Variants in PRKCE observed in about 807,000 individuals in gnomAD.
PRKCE encodes protein kinase C epsilon type.
PRKCE carries 16 observed loss-of-function variants against 85.4 expected under a neutral mutation model. The observed-to-expected ratio is 0.19, with a 90% CI of 0.13 to 0.28. The LOEUF (loss-of-function observed/expected upper bound fraction) is 0.28. Among genes scored for constraint, PRKCE ranks in the 10% least tolerant of loss-of-function variants. The pLI is 1.00. For synonymous variants in PRKCE, 388 were observed against 371.5 expected (o/e 1.04, Z -0.51); for missense variants, 573 against 975.2 (o/e 0.59, Z 5.49).
intron 1 of PRKCE, among the ~76,000 whole-genome samples, chr2:45,683,368 C>T (rs1298950074): frequency 6.6e-6 from 1 of 152,230 alleles, no homozygotes; most frequent in Non-Finnish European, 1.5e-5. Context: ...TGTGAGACAT[C>T]TTTCTTTGGA....
At position 46,184,861 on chromosome 2, in the gene PRKCE, G is replaced by T. The variant is rs779947914; in HGVS notation, c.2194G>T (p.Gly732Cys). ...QEEFKGFSYFGEDLMP is the reference protein window; with the variant it reads ...QEEFKGFSYFCEDLMP ...GGAATTCAAAGGTTTCTCCTACTTT[G>T]GTGAAGACCTGATGCCCTGAGAGCC... is the stretch of plus-strand genomic sequence containing the variant. The change falls in exon 15 of 15, where the codon GGT becomes TGT. Residue 732 changes from glycine (G) to cysteine (C), a missense_variant. Physicochemically the swap from Gly to Cys is radical, Grantham distance 159. Coordinates refer to ENST00000306156, the MANE Select transcript of PRKCE (RefSeq NM_005400.3). The surrounding 1 kb of genome is among the most constrained non-coding windows in gnomAD (Gnocchi z 5.0). 1 of 1,599,668 alleles carries T rather than the reference G, an allele frequency of 6.3e-7. No individual in the cohort carries two copies. Among genetic ancestry groups the T allele is most frequent in the African/African-American group, 1.3e-5 (1 of 74,934 alleles).
intron 1 of PRKCE, among the ~76,000 whole-genome samples, chr2:45,725,839 A>AC (rs397780761): frequency 2.0e-5 from 3 of 151,670 alleles, no homozygotes; most frequent in African/African-American, 4.8e-5. Flanking sequence ...CAAAAAAAAA[A>AC]CAAAAAACCG....
At chr2:45,677,724 T>C (rs1676588045) in intron 1 of PRKCE, 1 of 258,746 alleles carries the variant, frequency 3.9e-6, no homozygotes, top group Non-Finnish European at 6.0e-6. Context: ...CTGCTTTAGG[T>C]ATTTAGCCTG....
At chr2:45,776,358 T>C (rs1381155655) in intron 1 of PRKCE, among the ~76,000 whole-genome samples, 1 of 152,230 alleles carries the variant, frequency 6.6e-6, no homozygotes, top group African/African-American at 2.4e-5. Flanking sequence ...TCGGCTTTTC[T>C]GCTGGTACAC....
chr2:46,091,389 A>T (rs571692363), intron 11 of PRKCE, among the ~76,000 whole-genome samples: 2 of 152,362 alleles, frequency 1.3e-5, no homozygotes, highest in Admixed American at 1.3e-4. Context: ...CAACAGCAGC[A>T]GCTGACTTTC....
chr2:45,720,144 A>C (rs13414092), intron 1 of PRKCE, among the ~76,000 whole-genome samples: 18,522 of 151,868 alleles, frequency 0.12, 1,194 homozygotes, highest in East Asian at 0.16. Context: ...AGAGGGAGGG[A>C]GAGGGGCTGG....
At chr2:46,144,478 T>C (rs1157202930) in intron 11 of PRKCE, among the ~76,000 whole-genome samples, 1 of 152,212 alleles carries the variant, frequency 6.6e-6, no homozygotes, top group African/African-American at 2.4e-5. Context: ...ATCAGCTATA[T>C]TGGCCTTCTC....
At chr2:46,018,964 G>A (rs1706406102) in intron 10 of PRKCE, among the ~76,000 whole-genome samples, 1 of 152,204 alleles carries the variant, frequency 6.6e-6, no homozygotes, top group South Asian at 2.1e-4. Flanking sequence ...GCCCAGTGCT[G>A]GCCAGTGATG....
At chr2:45,827,218 T>C (rs56084817) in intron 1 of PRKCE, among the ~76,000 whole-genome samples, 1,847 of 152,366 alleles carry the variant, frequency 0.012, 42 homozygotes, top group African/African-American at 0.041. Context: ...CTCCTCTCTC[T>C]GCACCAGTCG....
At chr2:45,754,552 C>A (rs779458020) in intron 1 of PRKCE, among the ~76,000 whole-genome samples, 1 of 152,194 alleles carries the variant, frequency 6.6e-6, no homozygotes, top group African/African-American at 2.4e-5. Context: ...GCTCTGAGAG[C>A]TCCTCCACAC....
At chr2:45,657,073 C>G (rs957377177) in intron 1 of PRKCE, among the ~76,000 whole-genome samples, 2 of 152,216 alleles carry the variant, frequency 1.3e-5, no homozygotes, top group East Asian at 3.9e-4. Context: ...CTAGCTGGCT[C>G]GTTCACATTT....
At chr2:45,928,010 A>AGTATCTG (rs1698761610) in intron 2 of PRKCE, among the ~76,000 whole-genome samples, 1 of 152,146 alleles carries the variant, frequency 6.6e-6, no homozygotes, top group African/African-American at 2.4e-5. Flanking sequence ...GCCGAGGAAG[A>AGTATCTG]GTATCTGGCT....
intron 2 of PRKCE, among the ~76,000 whole-genome samples, chr2:45,928,671 C>T (rs1378296416): frequency 6.6e-6 from 1 of 152,170 alleles, no homozygotes; most frequent in Non-Finnish European, 1.5e-5. Context: ...GATGCCGAAG[C>T]GTCTTTGCTA....
At chr2:45,863,204 G>A (rs577325124) in intron 2 of PRKCE, among the ~76,000 whole-genome samples, 3 of 152,196 alleles carry the variant, frequency 2.0e-5, no homozygotes, top group African/African-American at 7.2e-5. Flanking sequence ...TACTGTCTAG[G>A]GTCTAGGATA....
chr2:45,833,057 C>T (rs956181637), intron 1 of PRKCE, among the ~76,000 whole-genome samples: 2 of 151,098 alleles, frequency 1.3e-5, no homozygotes, highest in African/African-American at 2.4e-5. Context: ...GTGGCTCATG[C>T]CTGTAATCCC....
intron 11 of PRKCE, among the ~76,000 whole-genome samples, chr2:46,136,410 A>G (rs1009407388): frequency 1.3e-4 from 20 of 152,220 alleles, no homozygotes; most frequent in African/African-American, 4.6e-4. Context: ...TCTACCATCA[A>G]TATAGAAAAA....
rs540941438 is a variant in PRKCE, at chr2:45,867,989, G to A, written c.412+24926G>A. Among the ~76,000 whole-genome samples the A allele has an allele frequency of 1.4e-4, 22 of 152,168 alleles. No homozygotes were observed. The South Asian group carries it at 2.7e-3, about 19-fold the overall frequency. On this transcript the variant is annotated intron_variant, in intron 2 of 14. Transcript: ENST00000306156. ...CACTTGAAGTTTTTAAAAAGAGGGC[G>A]TATCATTGTTTTGATGCCTCATTCC...
chr2:45,852,361 A>G (rs1479019073), intron 2 of PRKCE, among the ~76,000 whole-genome samples: 1 of 152,216 alleles, frequency 6.6e-6, no homozygotes, highest in Non-Finnish European at 1.5e-5. Flanking sequence ...GGGAAGTTAA[A>G]TTTACTTTCA....
chr2:46,169,829 C>G (rs1445759675), intron 14 of PRKCE, among the ~76,000 whole-genome samples: 1 of 152,118 alleles, frequency 6.6e-6, no homozygotes, highest in Non-Finnish European at 1.5e-5. Context: ...ACAGTCACCC[C>G]AAAATGTGGC....
Sources: gnomAD v4.1 joint callset for allele counts (sites outside exome capture counted in the v4.1 genomes callset) on GRCh38, gnomAD v4.1.1 for gene constraint, Gnocchi (gnomAD v3.1) non-coding constraint, MANE v1.5 for transcripts, NCBI Gene and HGNC (gene_info 2026-07-23, HGNC 2026-07-21) for gene names.